NAV3: variants seen among roughly 807,000 people sequenced by gnomAD.
The protein encoded by NAV3 is neuron navigator 3.
In NAV3, 87 loss-of-function variants were observed where a neutral mutation model predicts 244.7. That is an observed-to-expected ratio of 0.36 (90% CI 0.30 to 0.42). The LOEUF (loss-of-function observed/expected upper bound fraction) is 0.42. NAV3 is among the 20% of genes least tolerant of loss of function. The pLI is 1.00. For missense variants in NAV3, 2,663 were observed against 2,893.3 expected, an observed-to-expected ratio of 0.92 and a Z score of 1.83; for synonymous variants, 1,126 against 1,042.2, an observed-to-expected ratio of 1.08 and a Z score of -1.55.
intron 9 of NAV3, among the ~76,000 whole-genome samples, chr12:78,038,308 G>A (rs539641920): frequency 5.9e-5 from 9 of 152,174 alleles, no homozygotes; most frequent in Non-Finnish European, 1.2e-4. Flanking sequence ...ATGTCAATGT[G>A]TATTTCCACA....
intron 2 of NAV3, among the ~76,000 whole-genome samples, chr12:77,640,236 C>T (rs1489944745): frequency 6.6e-6 from 1 of 151,936 alleles, no homozygotes; most frequent in East Asian, 1.9e-4. Context: ...CAGAGACATA[C>T]AGCAGAGAGA....
At chr12:77,922,103 C>T (rs1386820203) in intron 1 of NAV3, among the ~76,000 whole-genome samples, 1 of 152,092 alleles carries the variant, frequency 6.6e-6, no homozygotes, top group African/African-American at 2.4e-5. Context: ...TGGTCATATG[C>T]GTAGCAGAAG....
intron 3 of NAV3, among the ~76,000 whole-genome samples, chr12:77,945,417 G>A (rs184849650): frequency 6.6e-6 from 1 of 152,242 alleles, no homozygotes; most frequent in Admixed American, 6.5e-5. Flanking sequence ...TAACATATTT[G>A]TATAAACACA....
intron 12 of NAV3, among the ~76,000 whole-genome samples, chr12:78,102,551 C>A (rs574906790): frequency 5.3e-5 from 8 of 152,344 alleles, no homozygotes; most frequent in African/African-American, 1.9e-4. Flanking sequence ...TCTCATAGCT[C>A]CACTAGGCCG....
At chr12:77,659,367 C>T (rs1165557191) in intron 2 of NAV3, among the ~76,000 whole-genome samples, 2 of 152,034 alleles carry the variant, frequency 1.3e-5, no homozygotes, top group Non-Finnish European at 2.9e-5. Flanking sequence ...AAATGCTCAC[C>T]ATCACTGGCC....
At chr12:77,864,213 C>T (rs1703564928) in intron 1 of NAV3, among the ~76,000 whole-genome samples, 1 of 151,806 alleles carries the variant, frequency 6.6e-6, no homozygotes, top group Admixed American at 6.6e-5. Context: ...CATTTTCAGT[C>T]TTTTCCTGCA....
At chr12:77,630,988 A>C (rs950328192) in intron 2 of NAV3, among the ~76,000 whole-genome samples, 1 of 152,208 alleles carries the variant, frequency 6.6e-6, no homozygotes. Context: ...TTCCATAGCA[A>C]CTTCTATTCT....
Position 77,705,293 on chromosome 12 carries a change from A to G in NAV3, c.72+133027A>G, listed in dbSNP as rs1240139697. Among the ~76,000 whole-genome samples the G allele has an allele frequency of 4.8e-5, 7 of 147,358 alleles. 1 individual carries two copies. Among genetic ancestry groups the G allele is most frequent in the African/African-American group, 1.9e-4 (7 of 37,102 alleles). ...AAATCAGCTGGGTGTGGTAGTGGAC[A>G]CTTGTAATTCTAACTATTTGGGAGG... On this transcript the variant is annotated intron_variant, in intron 2 of 8. Transcript: ENST00000550042.
intron 2 of NAV3, among the ~76,000 whole-genome samples, chr12:77,723,602 C>T (rs1592619718): frequency 6.6e-6 from 1 of 151,870 alleles, no homozygotes; most frequent in South Asian, 2.1e-4. Context: ...CACACCTTCT[C>T]CCTGCCAGAA....
At chr12:77,614,228 C>G (rs913858513) in intron 2 of NAV3, among the ~76,000 whole-genome samples, 1 of 151,796 alleles carries the variant, frequency 6.6e-6, no homozygotes, top group African/African-American at 2.4e-5. Flanking sequence ...ACAACCCTCC[C>G]GGTAGTGACA....
At chr12:77,730,910 C>G (rs1039135778) in intron 2 of NAV3, among the ~76,000 whole-genome samples, 3 of 150,688 alleles carry the variant, frequency 2.0e-5, no homozygotes, top group African/African-American at 7.3e-5. Flanking sequence ...GTACTAGAAG[C>G]TAGAATAAAA....
chr12:77,838,029 G>C (rs1192658150), intron 1 of NAV3, among the ~76,000 whole-genome samples: 4 of 152,222 alleles, frequency 2.6e-5, no homozygotes, highest in African/African-American at 9.6e-5. Context: ...AGCATTTCCA[G>C]AGCTGGCCAG....
intron 26 of NAV3, among the ~76,000 whole-genome samples, chr12:78,176,777 T>G (rs1007746758): frequency 6.6e-6 from 1 of 152,090 alleles, no homozygotes; most frequent in Non-Finnish European, 1.5e-5. Flanking sequence ...CAGCAGGACA[T>G]GACTTGATTG....
At position 77,864,354 on chromosome 12, in the gene NAV3, G is replaced by C. The variant is rs551034877; in HGVS notation, c.243+32650G>C. ...ACATACCTTGTTATGATATGGCTTTGGGTGCATTTCATGTCAAATAATTCT... is the reference window on the plus strand; with the variant it reads ...ACATACCTTGTTATGATATGGCTTTCGGTGCATTTCATGTCAAATAATTCT... On this transcript the variant is annotated intron_variant, in intron 1 of 39. Coordinates refer to ENST00000397909, the MANE Select transcript of NAV3 (RefSeq NM_001024383.2). Among the ~76,000 whole-genome samples the C allele has an allele frequency of 2.0e-5, 3 of 151,908 alleles. No individual in the cohort carries two copies. The South Asian group carries it at 6.2e-4, about 32-fold the overall frequency.
rs765484708 is a variant in NAV3, at chr12:78,175,431, A to C, written c.5103+4A>C. ...GAAGAAGAAAAAGAAAAACTGGGTA[A>C]GTTACCATCCTTCATCTAATTCAGA... On this transcript the variant is annotated splice_donor_region_variant and intron_variant, in intron 25 of 39. Transcript: ENST00000397909. 4 of 1,608,216 alleles carry C rather than the reference A, an allele frequency of 2.5e-6. No individual in the cohort carries two copies. Among genetic ancestry groups the C allele is most frequent in the Non-Finnish European group, 2.5e-6 (3 of 1,177,378 alleles).
At chr12:77,797,514 T>C (rs542914456) in intron 2 of NAV3, among the ~76,000 whole-genome samples, 1 of 144,536 alleles carries the variant, frequency 6.9e-6, no homozygotes, top group Admixed American at 7.5e-5. Context: ...AAACGTAGAA[T>C]CTTTAAAAAG....
rs946027632 is a variant in NAV3, at chr12:77,855,679, T to C, written c.243+23975T>C. Reference sequence around the variant, plus strand: ...CTAAAGAGGCCCAGAGCTTTCCCACTTGCTGCTCGTGGGCACTCTATATAA... The same window carrying C: ...CTAAAGAGGCCCAGAGCTTTCCCACCTGCTGCTCGTGGGCACTCTATATAA... On this transcript the variant is annotated intron_variant, in intron 1 of 39. Coordinates refer to ENST00000397909, the MANE Select transcript of NAV3 (RefSeq NM_001024383.2). Among the ~76,000 whole-genome samples the C allele has an allele frequency of 3.4e-4, 51 of 152,198 alleles. 1 individual carries two copies. The highest frequency in any genetic ancestry group is 1.2e-3 in the African/African-American group (49 of 41,446).
chr12:78,125,678 G>C (rs1955875849), intron 16 of NAV3, among the ~76,000 whole-genome samples: 1 of 152,118 alleles, frequency 6.6e-6, no homozygotes, highest in South Asian at 2.1e-4. Flanking sequence ...GCCCTATCTG[G>C]CCCTTGCTGG....
rs909983119 is a variant in NAV3, at chr12:77,602,930, C to A, written c.72+30664C>A. On this transcript the variant is annotated intron_variant, in intron 2 of 8. Transcript: ENST00000550042. Reference sequence around the variant, plus strand: ...AATTGTGAAGCTCTTGCCCTTAATTCAGAGAATTGAATGATATACTCTCCC... The same window carrying A: ...AATTGTGAAGCTCTTGCCCTTAATTAAGAGAATTGAATGATATACTCTCCC... 2.6e-4 allele frequency among the ~76,000 whole-genome samples: 40 copies of A among 152,012 alleles called. 1 individual carries two copies. The highest frequency in any genetic ancestry group is 9.7e-4 in the African/African-American group (40 of 41,422).
Sources: allele counts gnomAD v4.1 joint callset (sites outside exome capture counted in the v4.1 genomes callset), GRCh38; gene constraint gnomAD v4.1.1; transcripts MANE v1.5; gene names NCBI Gene and HGNC (gene_info 2026-07-23, HGNC 2026-07-21).